Variants in DNAH3 observed in about 807,000 individuals in gnomAD.
DNAH3 encodes axonemal beta dynein heavy chain 3.
A neutral mutation model predicts 432.5 loss-of-function variants in DNAH3; 332 were observed. That is an observed-to-expected ratio of 0.77 (90% CI 0.70 to 0.84). The LOEUF (loss-of-function observed/expected upper bound fraction) is 0.84, where lower values mean the gene tolerates loss of function less well. Among genes scored for constraint, DNAH3 ranks in the 40% least tolerant of loss-of-function variants. DNAH3 has a pLI of 0.00. For synonymous variants in DNAH3, 1,956 were observed against 1,900.2 expected (o/e 1.03, Z -0.76); for missense variants, 4,861 against 5,114.0 (o/e 0.95, Z 1.51).
At position 21,157,296 on chromosome 16, in the gene DNAH3, C is replaced by T. The variant is rs372062654; in HGVS notation, c.117+2029G>A. Among the ~76,000 whole-genome samples, 541 of 151,486 alleles carry T rather than the reference C, an allele frequency of 3.6e-3. 3 individuals carry two copies. The highest frequency in any genetic ancestry group is 0.011 in the African/African-American group (475 of 41,336). On this transcript the variant is annotated intron_variant, in intron 1 of 61. Transcript: ENST00000261383. The stretch of plus-strand genomic sequence containing the variant: ...GCTAAGTTCTCGACAGCCACAGCCA[C>T]ACTATTGCACCAGTCCTCACTACAA...
rs763681944 is a variant in DNAH3 at position 21,159,363 on chromosome 16, TG to T, written c.78del (p.Arg27GlyfsTer23). On this transcript the variant is annotated frameshift_variant, in exon 1 of 62. Coordinates refer to ENST00000261383, the Ensembl canonical transcript of DNAH3. LOFTEE classifies it high-confidence loss of function. ...CCTTCCTCCTCTCCTTGGGTCTCCCTGGCTTTTGAACGCTGAAAGGCTGGGC... is the reference window on the plus strand; with the variant it reads ...CCTTCCTCCTCTCCTTGGGTCTCCCTGCTTTTGAACGCTGAAAGGCTGGGC... 9.9e-6 allele frequency: 16 copies of T among 1,614,162 alleles called. No homozygotes were observed. The East Asian group carries it at 3.6e-4, about 36-fold the overall frequency.
chr16:20,935,273 T>C, intron 61 of DNAH3, 75 bp downstream of exon 61: 1 of 1,569,612 alleles, frequency 6.4e-7, no homozygotes, highest in Non-Finnish European at 8.7e-7. Flanking sequence ...CCACATTTTT[T>C]GACTCATAAG....
At chr16:21,008,459 T>C (rs749730837) in intron 41 of DNAH3, among the ~76,000 whole-genome samples, 22 of 152,156 alleles carry the variant, frequency 1.4e-4, no homozygotes, top group Non-Finnish European at 2.4e-4. Context: ...TCTGTCTACA[T>C]TTCCTGAACC....
chr16:20,958,006 C>A (rs1014896283), intron 54 of DNAH3, among the ~76,000 whole-genome samples: 1 of 151,462 alleles, frequency 6.6e-6, no homozygotes, highest in African/African-American at 2.4e-5. Context: ...TTCCGAAGAA[C>A]CCCAGAAATG....
In DNAH3 at chr16:21,001,194, C is replaced by T. The variant is rs557015071; in HGVS notation, c.6127-676G>A. On this transcript the variant is annotated intron_variant, in intron 42 of 61. Transcript: ENST00000261383. ...TACACACTTTTCCTGGTATTCAGGT[C>T]CCAGTTGGACTCTTAAGGCCGGGTC... is the stretch of plus-strand genomic sequence containing the variant. Among the ~76,000 whole-genome samples the T allele has an allele frequency of 5.3e-5, 8 of 152,340 alleles. No individual in the cohort carries two copies. The East Asian group carries it at 9.6e-4, about 18-fold the overall frequency.
intron 6 of DNAH3, 83 bp from the exon 8 acceptor site, chr16:21,134,537 A>T: frequency 7.5e-7 from 1 of 1,339,866 alleles, no homozygotes; most frequent in South Asian, 1.4e-5. Context: ...TTTGTTTTTA[A>T]TATAGAGACG....
chr16:20,942,036 G>C (rs1428490013), intron 58 of DNAH3, among the ~76,000 whole-genome samples: 5 of 150,502 alleles, frequency 3.3e-5, no homozygotes, highest in Admixed American at 3.3e-4. Context: ...CTGCACTCCA[G>C]CCTGGGTGAC....
At chr16:21,100,714 C>T (rs1265130136) in intron 16 of DNAH3, among the ~76,000 whole-genome samples, 1 of 152,212 alleles carries the variant, frequency 6.6e-6, no homozygotes, top group Non-Finnish European at 1.5e-5. Flanking sequence ...GAACCTACCA[C>T]TGAGTTGGAT....
intron 27 of DNAH3, among the ~76,000 whole-genome samples, chr16:21,055,472 T>C (rs1329735871): frequency 1.3e-5 from 2 of 152,218 alleles, no homozygotes; most frequent in African/African-American, 4.8e-5. Flanking sequence ...GTACTATGGT[T>C]GTCTAAGATG....
chr16:20,993,658 T>C (rs982678648), intron 44 of DNAH3, among the ~76,000 whole-genome samples: 7 of 152,196 alleles, frequency 4.6e-5, no homozygotes, highest in Admixed American at 2.0e-4. Flanking sequence ...TGTGTGCTAT[T>C]TTTGTCTAGC....
At chr16:21,153,941 T>A (rs2092881391) in intron 1 of DNAH3, among the ~76,000 whole-genome samples, 1 of 152,220 alleles carries the variant, frequency 6.6e-6, no homozygotes, top group South Asian at 2.1e-4. Flanking sequence ...TATTATGCTC[T>A]TTATCACAAA....
At chr16:21,109,681 C>A (rs2092026071) in intron 14 of DNAH3, among the ~76,000 whole-genome samples, 1 of 151,716 alleles carries the variant, frequency 6.6e-6, no homozygotes, top group African/African-American at 2.4e-5. Context: ...CTCACTGCAG[C>A]CTTGACCTCC....
chr16:21,106,427 A>C, intron 15 of DNAH3, 63 bp downstream of exon 15: 1 of 1,256,832 alleles, frequency 8.0e-7, no homozygotes, highest in Admixed American at 2.5e-5. Context: ...AATGTTATAT[A>C]TACAAATATA....
intron 7 of DNAH3, among the ~76,000 whole-genome samples, chr16:21,132,819 T>G (rs1361486517): frequency 6.6e-6 from 1 of 152,158 alleles, no homozygotes; most frequent in South Asian, 2.1e-4. Context: ...GTGGTAAGGA[T>G]TAAACAAACT....
At chr16:21,003,056 G>C (rs2087107877) in intron 42 of DNAH3, 48 bp downstream of exon 42, 1 of 1,205,748 alleles carries the variant, frequency 8.3e-7, no homozygotes, top group African/African-American at 1.5e-5. Flanking sequence ...GAGAATATTT[G>C]GATGATTCTG....
At chr16:20,944,857 T>C (rs1000965645) in intron 57 of DNAH3, among the ~76,000 whole-genome samples, 194 bp from the exon 58 acceptor site, 1 of 151,882 alleles carries the variant, frequency 6.6e-6, no homozygotes, top group Non-Finnish European at 1.5e-5. Context: ...GGAGTGGGCA[T>C]GAAAGCAGAT....
At chr16:21,033,977 C>T (rs562202929) in exon 36 of DNAH3, 17 of 1,612,322 alleles carry the variant, frequency 1.1e-5, no homozygotes, top group South Asian at 4.4e-5. Context: ...GCTTTACCTG[C>T]GTGTAAATCG....
chr16:20,984,151 C>T (rs903626878), intron 48 of DNAH3, among the ~76,000 whole-genome samples: 5 of 145,124 alleles, frequency 3.4e-5, no homozygotes, highest in African/African-American at 1.0e-4. Flanking sequence ...TAATTTTGGT[C>T]CTTATCCCAA....
At chr16:20,980,303 T>TTATAATATACATCATATAA (rs1322071145) in intron 49 of DNAH3, among the ~76,000 whole-genome samples, 2 of 142,474 alleles carry the variant, frequency 1.4e-5, no homozygotes, top group Non-Finnish European at 3.0e-5. Context: ...ACATCATATA[T>TTATAATATACATCATATAA]TATATTATAT....
Sources: gnomAD v4.1 joint callset for allele counts (sites outside exome capture counted in the v4.1 genomes callset) on GRCh38, gnomAD v4.1.1 for gene constraint, MANE v1.5 for transcripts, NCBI Gene and HGNC (gene_info 2026-07-23, HGNC 2026-07-21) for gene names.